The following FAM184B variants were observed in gnomAD, a reference collection of about 807,000 sequenced individuals.
FAM184B encodes the protein family with sequence similarity 184 member B, also known as protein FAM184B.
In FAM184B, 111 loss-of-function variants were observed where a neutral mutation model predicts 135.9. The ratio of observed to expected loss-of-function variants is 0.82; its 90% confidence interval spans 0.70 to 0.96. FAM184B has a LOEUF of 0.96. Among genes scored for constraint, FAM184B ranks in the 40% least tolerant of loss-of-function variants. The probability of loss-of-function intolerance (pLI) is 0.00; values close to 1 mark genes in which losing one functional copy is unlikely to be tolerated. For synonymous variants in FAM184B, 552 were observed against 524.8 expected, an observed-to-expected ratio of 1.05 and a Z score of -0.71; for missense variants, 1,375 against 1,323.9, an observed-to-expected ratio of 1.04 and a Z score of -0.60.
chr4:17,703,131 T>G (rs1368593903), intron 5 of FAM184B, among the ~76,000 whole-genome samples: 1 of 152,160 alleles, frequency 6.6e-6, no homozygotes, highest in African/African-American at 2.4e-5. Context: ...TTCTAAAGTA[T>G]GAGGTACTTT....
intron 1 of FAM184B, among the ~76,000 whole-genome samples, chr4:17,762,960 A>G (rs533049508): frequency 6.6e-6 from 1 of 152,162 alleles, no homozygotes; most frequent in Admixed American, 6.5e-5. Flanking sequence ...GGATCTCCTC[A>G]TTGCCCTGGC....
intron 2 of FAM184B, among the ~76,000 whole-genome samples, chr4:17,708,276 A>G (rs546020688): frequency 6.6e-6 from 1 of 152,206 alleles, no homozygotes; most frequent in Admixed American, 6.5e-5. Context: ...AAGTTCTCCA[A>G]CGTTAGGGAC....
intron 12 of FAM184B, among the ~76,000 whole-genome samples, chr4:17,643,831 G>GT (rs1025457072): frequency 2.6e-5 from 4 of 152,202 alleles, no homozygotes; most frequent in African/African-American, 9.6e-5. Context: ...AGGGCTGGGA[G>GT]TGGGGGTGGG....
At chr4:17,756,767 A>G (rs1426782373) in intron 1 of FAM184B, among the ~76,000 whole-genome samples, 1 of 152,186 alleles carries the variant, frequency 6.6e-6, no homozygotes, top group African/African-American at 2.4e-5. Context: ...TCTACTAAAA[A>G]TACAAAAATT....
rs1715076210 is a variant in FAM184B at position 17,634,922 on chromosome 4, C to CA, written c.2889+86dup. 5 of 844,562 alleles carry CA rather than the reference C, an allele frequency of 5.9e-6. No homozygotes were observed. The Admixed American group carries it at 1.1e-4, about 18-fold the overall frequency. The allele number at this position is 844,562 out of a possible 1,614,324, so 52.3% of individuals were successfully genotyped here. On this transcript the variant is annotated intron_variant, in intron 16 of 17. Transcript: ENST00000265018. ...AATGAATATTTTTCTGAGCGTACAC[C>CA]AGCCCTTAAATAACCTGTGGTTACC... is the stretch of plus-strand genomic sequence containing the variant.
intron 1 of FAM184B, among the ~76,000 whole-genome samples, chr4:17,750,452 G>C (rs1356854109): frequency 6.6e-6 from 1 of 152,130 alleles, no homozygotes; most frequent in African/African-American, 2.4e-5. Context: ...CATTCATCCT[G>C]CTTCATATTG....
At chr4:17,704,631 A>T (rs11725611) in intron 5 of FAM184B, among the ~76,000 whole-genome samples, 2,124 of 151,766 alleles carry the variant, frequency 0.014, 21 homozygotes, top group Non-Finnish European at 0.021. Context: ...GGATCCAGGA[A>T]CTCCTCCAGG....
chr4:17,779,451 T>G (rs945544617), intron 1 of FAM184B, among the ~76,000 whole-genome samples: 2 of 152,256 alleles, frequency 1.3e-5, no homozygotes, highest in East Asian at 3.8e-4. Flanking sequence ...GCCTACTGTG[T>G]GCCAAGAATC....
In FAM184B at chr4:17,761,291, G is replaced by A. The variant is rs564034582; in HGVS notation, c.141+19868C>T. 4.6e-5 allele frequency among the ~76,000 whole-genome samples: 7 copies of A among 152,238 alleles called. No individual in the cohort carries two copies. The East Asian group carries it at 1.4e-3, about 29-fold the overall frequency. On this transcript the variant is annotated intron_variant, in intron 1 of 17. Transcript: ENST00000265018. ...TGTGTGCACACAGGAAAGGCCATAT[G>A]AGGACAAGGCCATAAGCCTACAAGT...
At chr4:17,694,573 A>C (rs1716811933) in intron 5 of FAM184B, among the ~76,000 whole-genome samples, 1 of 152,152 alleles carries the variant, frequency 6.6e-6, no homozygotes, top group African/African-American at 2.4e-5. Context: ...TTCTAGCTTA[A>C]TTTCTGTGGA....
intron 6 of FAM184B, among the ~76,000 whole-genome samples, chr4:17,690,411 G>A (rs759835605): frequency 3.9e-5 from 6 of 152,116 alleles, no homozygotes; most frequent in Admixed American, 1.3e-4. Context: ...AGTGAGGTTC[G>A]GCCCAAATTG....
chr4:17,637,053 G>T (rs929203049), intron 14 of FAM184B, among the ~76,000 whole-genome samples: 2 of 152,034 alleles, frequency 1.3e-5, no homozygotes, highest in Non-Finnish European at 2.9e-5. Flanking sequence ...TGGAGACGGA[G>T]TCTCCCTCTG....
At chr4:17,704,296 C>T (rs1302543803) in intron 5 of FAM184B, among the ~76,000 whole-genome samples, 2 of 152,176 alleles carry the variant, frequency 1.3e-5, no homozygotes, top group Non-Finnish European at 2.9e-5. Context: ...TTCCAGCAAA[C>T]ACAAGAGACG....
chr4:17,629,552 G>A lies in FAM184B; in HGVS notation c.*2980C>T, dbSNP rs1418241137. 1 of 152,206 alleles carries A rather than the reference G, an allele frequency of 6.6e-6. No homozygotes were observed. Among genetic ancestry groups the A allele is most frequent in the Non-Finnish European group, 1.5e-5 (1 of 68,038 alleles). 9.4% of individuals were successfully genotyped at this position (152,206 alleles called of 1,614,324 possible). A position where few individuals can be genotyped will look rare whatever the true frequency, so the allele number is the denominator to read the frequency against. ...AGTTTGCTTTCATGTGGAACAGATA[G>A]TATTCCTTTCAGTTTTGCTGCAGGA... is the stretch of plus-strand genomic sequence containing the variant. On this transcript the variant is annotated 3_prime_UTR_variant, in exon 18 of 18. Coordinates refer to ENST00000265018, the MANE Select transcript of FAM184B (RefSeq NM_015688.2).
intron 8 of FAM184B, among the ~76,000 whole-genome samples, chr4:17,662,360 T>C (rs1715937765): frequency 6.6e-6 from 1 of 151,206 alleles, no homozygotes; most frequent in South Asian, 2.1e-4. Flanking sequence ...TTTTTTGAAA[T>C]GGAGTCTTGT....
intron 6 of FAM184B, among the ~76,000 whole-genome samples, chr4:17,690,392 G>T (rs1371867545): frequency 6.6e-6 from 1 of 152,192 alleles, no homozygotes; most frequent in Non-Finnish European, 1.5e-5. Context: ...TTGGAGGATA[G>T]TGGTAGCAAG....
intron 14 of FAM184B, 53 bp downstream of exon 14, chr4:17,639,197 C>T: frequency 9.2e-6 from 14 of 1,527,750 alleles, no homozygotes; most frequent in Non-Finnish European, 1.2e-5. Flanking sequence ...GTTGGCCACC[C>T]TACTGAATGG....
At chr4:17,740,447 T>A (rs1225606072) in intron 1 of FAM184B, among the ~76,000 whole-genome samples, 1 of 152,142 alleles carries the variant, frequency 6.6e-6, no homozygotes, top group East Asian at 1.9e-4. Flanking sequence ...ATAAATATTT[T>A]GCATACATAT....
chr4:17,653,919 A>AGGGGGGAGG (rs1715704521), intron 10 of FAM184B, among the ~76,000 whole-genome samples: 1 of 55,148 alleles, frequency 1.8e-5, no homozygotes, highest in Non-Finnish European at 3.3e-5. Flanking sequence ...GAGGTCAGAG[A>AGGGGGGAGG]GGGAGGGGGA....
Sources: allele counts gnomAD v4.1 joint callset (sites outside exome capture counted in the v4.1 genomes callset), GRCh38; gene constraint gnomAD v4.1.1; transcripts MANE v1.5; gene names NCBI Gene and HGNC (gene_info 2026-07-23, HGNC 2026-07-21).